PDE6A: variants seen among roughly 807,000 people sequenced by gnomAD.
PDE6A encodes the protein rod cGMP-specific 3',5'-cyclic phosphodiesterase subunit alpha.
In PDE6A, 84 loss-of-function variants were observed where a neutral mutation model predicts 106.3. The observed-to-expected ratio is 0.79, with a 90% confidence interval of 0.66 to 0.95. The LOEUF (loss-of-function observed/expected upper bound fraction) is 0.95. PDE6A is among the 40% of genes least tolerant of loss of function. The pLI, the probability that PDE6A is intolerant of heterozygous loss-of-function variation, is 0.00. For synonymous variants in PDE6A, 394 were observed against 386.6 expected (o/e 1.02, Z -0.23); for missense variants, 1,052 against 1,084.9 (o/e 0.97, Z 0.43).
At position 149,858,006 on chromosome 5, in the gene PDE6A, G is replaced by A. The variant is rs757612877; in HGVS notation, c.*2889C>T. 2 of 152,114 alleles carry A rather than the reference G, an allele frequency of 1.3e-5. No individual in the cohort carries two copies. The highest frequency in any genetic ancestry group is 2.4e-5 in the African/African-American group (1 of 41,430). 9.4% of individuals were successfully genotyped at this position (152,114 alleles called of 1,614,324 possible). ...TGAGACAGAGGAATGTGTTACATGC[G>A]GCCACAAAGAAACAAACAGATAAAT... is the stretch of plus-strand genomic sequence containing the variant. On this transcript the variant is annotated 3_prime_UTR_variant, in exon 22 of 22. Coordinates refer to ENST00000255266, the MANE Select transcript of PDE6A (RefSeq NM_000440.3).
At chr5:149,932,642 G>T in intron 3 of PDE6A, 9 of 1,613,420 alleles carry the variant, frequency 5.6e-6, no homozygotes, top group Non-Finnish European at 7.6e-6. Context: ...ATTCCATTTC[G>T]TACGAATTCG....
intron 20 of PDE6A, among the ~76,000 whole-genome samples, chr5:149,864,374 G>A (rs1028265634): frequency 5.9e-5 from 9 of 152,144 alleles, no homozygotes; most frequent in Admixed American, 4.6e-4. Context: ...AAGTAGCTGG[G>A]ATTACAGGCA....
At chr5:149,884,756 G>A in intron 15 of PDE6A, 24 bp downstream of exon 15, 2 of 1,602,642 alleles carry the variant, frequency 1.2e-6, no homozygotes, top group Non-Finnish European at 1.7e-6. Context: ...CCCGCGGCCT[G>A]TAGACCCTTG....
intron 7 of PDE6A, among the ~76,000 whole-genome samples, chr5:149,904,835 G>T (rs1387070030): frequency 2.0e-5 from 3 of 152,066 alleles, no homozygotes; most frequent in African/African-American, 7.2e-5. Flanking sequence ...GAGCATGCTG[G>T]TGTCTCTCTC....
rs778735041 is a variant in PDE6A at position 149,934,033 on chromosome 5, A to G, written c.628-14T>C. 9 of 1,450,486 alleles carry G rather than the reference A, an allele frequency of 6.2e-6. 1 individual carries two copies. The South Asian group carries it at 1.0e-4, about 17-fold the overall frequency. 89.9% of individuals were successfully genotyped at this position (1,450,486 alleles called of 1,614,324 possible). A position where few individuals can be genotyped will look rare whatever the true frequency, so the allele number is the denominator to read the frequency against. ...CTTGAGAAGAATCTAAAAATCAAACAGCATGAGGGGAGGCAGGTGAGAAGA... is the reference window on the plus strand; with the variant it reads ...CTTGAGAAGAATCTAAAAATCAAACGGCATGAGGGGAGGCAGGTGAGAAGA... On this transcript the variant is annotated splice_polypyrimidine_tract_variant and intron_variant, in intron 2 of 21. Transcript: ENST00000255266.
Position 149,929,146 on chromosome 5 carries a change from G to T in PDE6A, c.858+1882C>A, listed in dbSNP as rs887991195. Among the ~76,000 whole-genome samples the T allele has an allele frequency of 1.2e-4, 18 of 152,156 alleles. 1 individual carries two copies. The highest frequency in any genetic ancestry group is 4.3e-4 in the African/African-American group (18 of 41,438). ...TACCTAACAGAAAGGGCACAACTGT[G>T]TACTAGTAATATACTAGAAGTTTCA... On this transcript the variant is annotated intron_variant, in intron 4 of 21. Transcript: ENST00000255266.
At chr5:149,873,405 C>T (rs915842670) in intron 17 of PDE6A, among the ~76,000 whole-genome samples, 4 of 150,672 alleles carry the variant, frequency 2.7e-5, no homozygotes, top group Admixed American at 6.6e-5. Flanking sequence ...GATTTAGGCT[C>T]ACTACCTCCT....
intron 6 of PDE6A, among the ~76,000 whole-genome samples, chr5:149,911,369 T>C (rs1753381161): frequency 2.0e-5 from 3 of 152,202 alleles, no homozygotes; most frequent in African/African-American, 7.2e-5. Context: ...TTTGTTCCTA[T>C]AAAACCAACC....
At chr5:149,876,346 CCT>C (rs1381607311) in intron 17 of PDE6A, among the ~76,000 whole-genome samples, 73 of 143,530 alleles carry the variant, frequency 5.1e-4, no homozygotes, top group African/African-American at 1.7e-3. Context: ...GCCCATTTTT[CCT>C]CTTTTTTTTT....
In PDE6A at chr5:149,914,932, G is replaced by A. The variant is rs75319698; in HGVS notation, c.998+11C>T. ...TTGTTGTCATTTTGTCTTTTGACAGGTGAAACTTACGGGATGACTTTGATG... is the reference window on the plus strand; with the variant it reads ...TTGTTGTCATTTTGTCTTTTGACAGATGAAACTTACGGGATGACTTTGATG... On this transcript the variant is annotated intron_variant, in intron 6 of 21. Coordinates refer to ENST00000255266, the MANE Select transcript of PDE6A (RefSeq NM_000440.3). 4,730 of 1,589,538 alleles carry A rather than the reference G, an allele frequency of 3.0e-3. 145 individuals carry two copies. In the African/African-American group the frequency reaches 0.056, roughly 19 times the overall value.
rs530632768 is a variant in PDE6A at position 149,858,391 on chromosome 5, A to G, written c.*2504T>C. ...CTGGTTTATTTGTGCTGTTTTCAACATCAGTTACTATGGTATGAATGCTGA... is the reference window on the plus strand; with the variant it reads ...CTGGTTTATTTGTGCTGTTTTCAACGTCAGTTACTATGGTATGAATGCTGA... On this transcript the variant is annotated 3_prime_UTR_variant, in exon 22 of 22. Coordinates refer to ENST00000255266, the MANE Select transcript of PDE6A (RefSeq NM_000440.3). The G allele has an allele frequency of 6.6e-6, 1 of 152,356 alleles. No homozygotes were observed. The highest frequency in any genetic ancestry group is 1.9e-4 in the East Asian group (1 of 5,180). The allele number at this position is 152,356 out of a possible 1,614,324, so 9.4% of individuals were successfully genotyped here.
chr5:149,888,959 T>G (rs1021050169), intron 13 of PDE6A, among the ~76,000 whole-genome samples: 2 of 151,556 alleles, frequency 1.3e-5, no homozygotes, highest in African/African-American at 4.9e-5. Flanking sequence ...GGCGGGCGCC[T>G]GTAGTCCCAG....
At chr5:149,880,887 C>G (rs374834741) in intron 17 of PDE6A, among the ~76,000 whole-genome samples, 1 of 151,894 alleles carries the variant, frequency 6.6e-6, no homozygotes, top group Non-Finnish European at 1.5e-5. Context: ...GGTGAAACCC[C>G]GTCTCTACCA....
chr5:149,868,702 C>G (rs1349416132), intron 17 of PDE6A, among the ~76,000 whole-genome samples: 1 of 152,002 alleles, frequency 6.6e-6, no homozygotes, highest in Non-Finnish European at 1.5e-5. Context: ...GATACTTTTT[C>G]AGTAATTGCC....
intron 14 of PDE6A, among the ~76,000 whole-genome samples, chr5:149,886,034 CT>C: frequency 6.6e-6 from 1 of 152,330 alleles, no homozygotes; most frequent in Non-Finnish European, 1.5e-5. Flanking sequence ...TGCACAGTCC[CT>C]TTTGTATGTA....
intron 17 of PDE6A, among the ~76,000 whole-genome samples, chr5:149,877,833 A>G (rs1760795103): frequency 6.6e-6 from 1 of 152,212 alleles, no homozygotes; most frequent in Non-Finnish European, 1.5e-5. Flanking sequence ...TCAACTGAAC[A>G]TGGATTGCAG....
intron 4 of PDE6A, among the ~76,000 whole-genome samples, chr5:149,923,551 A>T (rs564029569): frequency 5.6e-5 from 7 of 125,150 alleles, no homozygotes; most frequent in Non-Finnish European, 1.1e-4. Flanking sequence ...AACATAACAT[A>T]ACATAACATA....
At chr5:149,870,387 G>T (rs965147150) in intron 17 of PDE6A, among the ~76,000 whole-genome samples, 1 of 152,174 alleles carries the variant, frequency 6.6e-6, no homozygotes, top group East Asian at 1.9e-4. Context: ...TTTAATAAGT[G>T]CTGTGGACAT....
chr5:149,881,166 AG>A (rs1666804496), intron 17 of PDE6A, among the ~76,000 whole-genome samples: 1 of 152,216 alleles, frequency 6.6e-6, no homozygotes, highest in African/African-American at 2.4e-5. Flanking sequence ...AAACTAGTTC[AG>A]CCACTGTGGA....
Sources: gnomAD v4.1 joint callset for allele counts (sites outside exome capture counted in the v4.1 genomes callset) on GRCh38, gnomAD v4.1.1 for gene constraint, MANE v1.5 for transcripts, NCBI Gene and HGNC (gene_info 2026-07-23, HGNC 2026-07-21) for gene names.